SIK2: variants seen among roughly 807,000 people sequenced by gnomAD.
SIK2 encodes salt inducible kinase 2, also known as serine/threonine-protein kinase SIK2.
In SIK2, 29 loss-of-function variants were observed where a neutral mutation model predicts 103.2. The ratio of observed to expected loss-of-function variants is 0.28; its 90% CI spans 0.21 to 0.38. SIK2 has a LOEUF of 0.38. SIK2 is among the 10% of genes least tolerant of loss of function. The probability of loss-of-function intolerance (pLI) is 1.00; values close to 1 mark genes in which losing one functional copy is unlikely to be tolerated. For missense variants in SIK2, 879 were observed against 1,171.0 expected (o/e 0.75, Z 3.64); for synonymous variants, 412 against 446.1 (o/e 0.92, Z 0.96).
At chr11:111,666,457 TACAGATAGTTTGTAAAAG>T in intron 3 of SIK2, among the ~76,000 whole-genome samples, 1 of 152,244 alleles carries the variant, frequency 6.6e-6, no homozygotes, top group Non-Finnish European at 1.5e-5. Flanking sequence ...CTGTATGTTA[TACAGATAGTTTGTAAAAG>T]CTGAAGGTAA....
At chr11:111,668,358 T>C (rs1942578654) in intron 3 of SIK2, among the ~76,000 whole-genome samples, 1 of 152,214 alleles carries the variant, frequency 6.6e-6, no homozygotes, top group Non-Finnish European at 1.5e-5. Flanking sequence ...CCTCTTTTGA[T>C]AGATATTTGT....
rs118067576 is a variant in SIK2 at position 111,690,235 on chromosome 11, G to A, written c.478+2073G>A. Among the ~76,000 whole-genome samples, 996 of 149,086 alleles carry A rather than the reference G, an allele frequency of 6.7e-3. 8 individuals are homozygous for A. Among genetic ancestry groups the A allele is most frequent in the Middle Eastern group, 0.056 (16 of 286 alleles). On this transcript the variant is annotated intron_variant, in intron 4 of 14. Coordinates refer to ENST00000304987, the MANE Select transcript of SIK2 (RefSeq NM_015191.3). ...TTGTTTAATGCTCCTTGAAAGCATC[G>A]GCTGCCCTAAAATTGTCTTTTTCAG...
chr11:111,668,220 GC>G (rs1310095005), intron 3 of SIK2, among the ~76,000 whole-genome samples: 1 of 151,820 alleles, frequency 6.6e-6, no homozygotes, highest in East Asian at 1.9e-4. Context: ...GCACACGCAT[GC>G]ATGTCCATCC....
intron 3 of SIK2, among the ~76,000 whole-genome samples, chr11:111,627,380 C>A (rs556487027): frequency 6.6e-6 from 1 of 152,058 alleles, no homozygotes; most frequent in African/African-American, 2.4e-5. Flanking sequence ...CCTTTTATTA[C>A]AGTATATTGT....
At chr11:111,675,296 C>T (rs116907410) in intron 3 of SIK2, among the ~76,000 whole-genome samples, 5,156 of 152,266 alleles carry the variant, frequency 0.034, 181 homozygotes, top group Admixed American at 0.089. Flanking sequence ...GGGATATGCA[C>T]CACCTATTCT....
chr11:111,670,735 G>A (rs999097540), intron 3 of SIK2, among the ~76,000 whole-genome samples: 1 of 152,186 alleles, frequency 6.6e-6, no homozygotes, highest in East Asian at 1.9e-4. Flanking sequence ...AGAGCTAGCT[G>A]GGGCTTTATT....
chr11:111,614,681 G>C (rs370033774), intron 1 of SIK2, among the ~76,000 whole-genome samples: 4 of 152,164 alleles, frequency 2.6e-5, no homozygotes, highest in African/African-American at 9.7e-5. Flanking sequence ...GAAAATTTGT[G>C]TATCAGTGAA....
chr11:111,630,081 C>A (rs1411224275), intron 3 of SIK2, among the ~76,000 whole-genome samples: 2 of 152,128 alleles, frequency 1.3e-5, no homozygotes, highest in Non-Finnish European at 2.9e-5. Flanking sequence ...AAATGTCCAT[C>A]AGTGGGAAAA....
chr11:111,651,030 C>T (rs1276203101), intron 3 of SIK2, among the ~76,000 whole-genome samples: 1 of 152,114 alleles, frequency 6.6e-6, no homozygotes, highest in Non-Finnish European at 1.5e-5. Context: ...GCACATCTGA[C>T]TTCACGTTAG....
chr11:111,647,087 G>A (rs913470892), intron 3 of SIK2, among the ~76,000 whole-genome samples: 3 of 152,092 alleles, frequency 2.0e-5, no homozygotes, highest in South Asian at 4.1e-4. Flanking sequence ...ATATTTTCAA[G>A]TCAATAAATA....
intron 3 of SIK2, among the ~76,000 whole-genome samples, chr11:111,635,564 G>A (rs978246768): frequency 1.3e-5 from 2 of 152,202 alleles, no homozygotes; most frequent in Admixed American, 1.3e-4. Context: ...CGCCTAAATA[G>A]TTGTCTGTAA....
chr11:111,730,516 G>C lies in SIK2; in HGVS notation c.*6387G>C, dbSNP rs1944152452. Reference sequence around the variant, plus strand: ...TTTGCTTATATCTGAAGGGAGGTGGGTGGTTTTGCTGGATGTTTGGTCTGA... The same window carrying C: ...TTTGCTTATATCTGAAGGGAGGTGGCTGGTTTTGCTGGATGTTTGGTCTGA... On this transcript the variant is annotated 3_prime_UTR_variant, in exon 15 of 15. Transcript: ENST00000304987. 6.6e-6 allele frequency: 1 copy of C among 152,224 alleles called. No individual in the cohort carries two copies. The highest frequency in any genetic ancestry group is 1.5e-5 in the Non-Finnish European group (1 of 68,044). The allele number at this position is 152,224 out of a possible 1,614,324, so 9.4% of individuals were successfully genotyped here. A position where few individuals can be genotyped will look rare whatever the true frequency, so the allele number is the denominator to read the frequency against.
intron 8 of SIK2, among the ~76,000 whole-genome samples, chr11:111,709,830 A>C (rs931836703): frequency 6.6e-6 from 1 of 152,220 alleles, no homozygotes; most frequent in Non-Finnish European, 1.5e-5. Flanking sequence ...CCGAGTTCAC[A>C]GTCAGTTGTA....
intron 3 of SIK2, among the ~76,000 whole-genome samples, chr11:111,649,756 T>C (rs558090969): frequency 6.6e-6 from 1 of 152,276 alleles, no homozygotes; most frequent in African/African-American, 2.4e-5. Flanking sequence ...TGTGATGGCA[T>C]AGGTGGCAGT....
rs780065873 is a variant in SIK2, at chr11:111,720,489, T to G, written c.1507T>G (p.Ser503Ala). Residue 503 changes from serine (S) to alanine (A), a missense_variant, in exon 11 of 15, where the codon TCC becomes GCC. Around this residue, in one of 7 missense-constraint regions of SIK2, gnomAD observed 222 missense variants for 258.0 expected, o/e 0.86. Coordinates refer to ENST00000304987, the MANE Select transcript of SIK2 (RefSeq NM_015191.3). ...GTTTTCTCTTAAAGGGAAAATTTTCTCCATGAATGACAGCCCCTCCCTTGA... is the reference window on the plus strand; with the variant it reads ...GTTTTCTCTTAAAGGGAAAATTTTCGCCATGAATGACAGCCCCTCCCTTGA... ...VVMPGAGKIF[S>A]MNDSPSLDSV... 9 of 1,599,366 alleles carry G rather than the reference T, an allele frequency of 5.6e-6. No individual in the cohort carries two copies. Among genetic ancestry groups the G allele is most frequent in the Non-Finnish European group, 7.7e-6 (9 of 1,173,848 alleles).
At chr11:111,707,527 G>A (rs565648030) in intron 8 of SIK2, among the ~76,000 whole-genome samples, 2 of 152,198 alleles carry the variant, frequency 1.3e-5, no homozygotes, top group Admixed American at 6.5e-5. Flanking sequence ...ACTTCAAATG[G>A]AGTCTTCAAT....
At chr11:111,635,343 A>AAAAG (rs947920716) in intron 3 of SIK2, among the ~76,000 whole-genome samples, 1 of 151,378 alleles carries the variant, frequency 6.6e-6, no homozygotes. Flanking sequence ...TGCTGGGGAA[A>AAAAG]AAAGAAAGAA....
Position 111,723,880 on chromosome 11 carries a change from C to T in SIK2, c.2532C>T (p.Phe844=), listed in dbSNP as rs749730329. Residue 844 remains phenylalanine, a synonymous_variant, in exon 15 of 15, where the codon TTC becomes TTT. Transcript: ENST00000304987. Reference sequence around the variant, plus strand: ...GAGCTGCCCCAGCCCCCTTACAGTTCTCCTATCAGACTTGTGAGCTGCCAA... The same window carrying T: ...GAGCTGCCCCAGCCCCCTTACAGTTTTCCTATCAGACTTGTGAGCTGCCAA... ...QPGAAPAPLQ[F]SYQTCELPSA... 1.9e-6 allele frequency: 3 copies of T among 1,593,994 alleles called. No individual in the cohort carries two copies. The highest frequency in any genetic ancestry group is 2.3e-5 in the East Asian group (1 of 44,034).
chr11:111,636,363 A>C (rs1034826347), intron 3 of SIK2, among the ~76,000 whole-genome samples: 1 of 152,180 alleles, frequency 6.6e-6, no homozygotes, highest in Non-Finnish European at 1.5e-5. Flanking sequence ...CTGCTCCATT[A>C]CCCACTTTTG....
Sources: allele counts gnomAD v4.1 joint callset (sites outside exome capture counted in the v4.1 genomes callset), GRCh38; gene constraint gnomAD v4.1.1; regional missense constraint gnomAD v4.1.1; transcripts MANE v1.5; gene names NCBI Gene and HGNC (gene_info 2026-07-23, HGNC 2026-07-21).